The following CNTN4 variants were observed in gnomAD, a reference collection of about 807,000 sequenced individuals.
The protein encoded by CNTN4 is contactin 4.
A neutral mutation model predicts 122.5 loss-of-function variants in CNTN4; 77 were observed. That is an observed-to-expected ratio of 0.63 (90% CI 0.52 to 0.76). CNTN4 has a LOEUF of 0.76. CNTN4 is among the 30% of genes least tolerant of loss of function. CNTN4 has a pLI of 0.00. For missense variants in CNTN4, 1,256 were observed against 1,259.1 expected, an observed-to-expected ratio of 1.00 and a Z score of 0.04; for synonymous variants, 512 against 447.0, an observed-to-expected ratio of 1.15 and a Z score of -1.83.
At chr3:2,125,492 CT>C (rs1164635294) in intron 2 of CNTN4, among the ~76,000 whole-genome samples, 2 of 151,836 alleles carry the variant, frequency 1.3e-5, no homozygotes, top group African/African-American at 4.8e-5. Context: ...AGATCTAAAT[CT>C]TTGACATCTT....
intron 4 of CNTN4, among the ~76,000 whole-genome samples, chr3:2,720,139 A>G (rs557429665): frequency 4.6e-5 from 7 of 152,278 alleles, no homozygotes; most frequent in African/African-American, 1.4e-4. Context: ...AAGCAGAAGG[A>G]AAGGCCATTT....
At chr3:2,320,697 C>T (rs1005230106) in intron 2 of CNTN4, among the ~76,000 whole-genome samples, 10 of 152,084 alleles carry the variant, frequency 6.6e-5, no homozygotes, top group Non-Finnish European at 1.3e-4. Flanking sequence ...TATCCCGAAG[C>T]AAATATCAAT....
At chr3:2,900,597 T>A (rs1469766228) in intron 10 of CNTN4, 88 bp from the exon 11 acceptor site, 1 of 1,400,276 alleles carries the variant, frequency 7.1e-7, no homozygotes. Flanking sequence ...TTATTATAAG[T>A]GTACTTTTGC....
At chr3:2,510,248 T>C (rs2076845265) in intron 3 of CNTN4, among the ~76,000 whole-genome samples, 2 of 152,216 alleles carry the variant, frequency 1.3e-5, no homozygotes, top group African/African-American at 4.8e-5. Context: ...GTCTATTTTC[T>C]AGATCTTAGG....
At chr3:2,436,160 C>G (rs751108797) in intron 3 of CNTN4, among the ~76,000 whole-genome samples, 1 of 152,130 alleles carries the variant, frequency 6.6e-6, no homozygotes, top group Non-Finnish European at 1.5e-5. Flanking sequence ...AACAATTATT[C>G]ATTCAACCAA....
chr3:2,334,095 T>C (rs1004204659), intron 2 of CNTN4, among the ~76,000 whole-genome samples: 1 of 152,208 alleles, frequency 6.6e-6, no homozygotes, highest in African/African-American at 2.4e-5. Flanking sequence ...ATTCAAATAA[T>C]GTTAATAATA....
At chr3:2,794,257 T>C (rs2092100727) in intron 6 of CNTN4, among the ~76,000 whole-genome samples, 1 of 152,180 alleles carries the variant, frequency 6.6e-6, no homozygotes, top group Non-Finnish European at 1.5e-5. Context: ...GAAAAAGACT[T>C]ACAGGCAGGA....
rs141559793 is a variant in CNTN4, at chr3:2,122,579, CAT to C, written c.-145+21941_-145+21942del. 5.4e-4 allele frequency among the ~76,000 whole-genome samples: 82 copies of C among 152,242 alleles called. No homozygotes were observed. In the East Asian group the frequency reaches 0.01, roughly 19 times the overall value. ...CTATGATAAACAATATCTTTGTAAA[CAT>C]GTGTGATTATATCTGTAGGATAAAT... On this transcript the variant is annotated intron_variant, in intron 2 of 24. Coordinates refer to ENST00000418658, the MANE Select transcript of CNTN4 (RefSeq NM_175607.3).
Position 2,538,662 on chromosome 3 carries a change from A to G in CNTN4, c.-88-32754A>G, listed in dbSNP as rs532115496. On this transcript the variant is annotated intron_variant, in intron 3 of 24. Coordinates refer to ENST00000418658, the MANE Select transcript of CNTN4 (RefSeq NM_175607.3). ...GTACTTGTTAACTTTCATAACTGCT[A>G]TTTTATATACTTATATTTCATGTTA... is the stretch of plus-strand genomic sequence containing the variant. Among the ~76,000 whole-genome samples, 304 of 152,080 alleles carry G rather than the reference A, an allele frequency of 2.0e-3. 4 individuals are homozygous for G. The highest frequency in any genetic ancestry group is 7.1e-3 in the African/African-American group (294 of 41,542).
intron 3 of CNTN4, among the ~76,000 whole-genome samples, chr3:2,398,499 A>G (rs1018005701): frequency 6.6e-6 from 1 of 152,122 alleles, no homozygotes; most frequent in Non-Finnish European, 1.5e-5. Flanking sequence ...TACTTTCTGT[A>G]TGAGAGATTG....
chr3:2,318,065 C>T lies in CNTN4; in HGVS notation c.-144-21113C>T, dbSNP rs73807716. 4.3e-3 allele frequency among the ~76,000 whole-genome samples: 649 copies of T among 152,074 alleles called. 3 individuals carry two copies. Among genetic ancestry groups the T allele is most frequent in the African/African-American group, 0.015 (611 of 41,488 alleles). Reference sequence around the variant, plus strand: ...ATATGTTAAAACGAAGAGTTTAAGACGCCGAGCTCTGTGGTTCTCGCCTGT... The same window carrying T: ...ATATGTTAAAACGAAGAGTTTAAGATGCCGAGCTCTGTGGTTCTCGCCTGT... On this transcript the variant is annotated intron_variant, in intron 2 of 24. Transcript: ENST00000418658.
chr3:2,987,604 G>A (rs895044959), intron 13 of CNTN4, among the ~76,000 whole-genome samples: 1 of 152,214 alleles, frequency 6.6e-6, no homozygotes, highest in African/African-American at 2.4e-5. Flanking sequence ...GCCAAGCTGT[G>A]TGTCTTATTC....
intron 3 of CNTN4, among the ~76,000 whole-genome samples, chr3:2,558,289 C>G (rs2078805190): frequency 6.6e-6 from 1 of 152,142 alleles, no homozygotes; most frequent in Non-Finnish European, 1.5e-5. Context: ...TAGGGGTTTA[C>G]CAGTTTTTCC....
chr3:2,309,490 C>T (rs1021744874), intron 2 of CNTN4, among the ~76,000 whole-genome samples: 2 of 152,026 alleles, frequency 1.3e-5, no homozygotes, highest in African/African-American at 4.8e-5. Context: ...GCCTGTGTTT[C>T]CTACTTGTTT....
chr3:2,372,862 A>G (rs2045682464), intron 3 of CNTN4, among the ~76,000 whole-genome samples: 1 of 152,122 alleles, frequency 6.6e-6, no homozygotes, highest in South Asian at 2.1e-4. Context: ...AGCCTGGCCA[A>G]CATGGTGAAA....
At chr3:2,698,827 G>A (rs2086192668) in intron 4 of CNTN4, among the ~76,000 whole-genome samples, 1 of 152,194 alleles carries the variant, frequency 6.6e-6, no homozygotes, top group East Asian at 1.9e-4. Context: ...AGATCAGCCT[G>A]GCCAACTTCG....
intron 3 of CNTN4, among the ~76,000 whole-genome samples, chr3:2,541,232 G>A (rs909043745): frequency 1.3e-5 from 2 of 152,082 alleles, no homozygotes; most frequent in African/African-American, 2.4e-5. Flanking sequence ...TTTGGCTAAT[G>A]GTTATTGGAA....
chr3:2,403,145 C>T (rs1389801315), intron 3 of CNTN4, among the ~76,000 whole-genome samples: 1 of 152,016 alleles, frequency 6.6e-6, no homozygotes, highest in African/African-American at 2.4e-5. Context: ...TAAACCTTCT[C>T]TCTATATACT....
intron 3 of CNTN4, among the ~76,000 whole-genome samples, chr3:2,389,592 TCTTTC>T (rs1280480199): frequency 1.3e-5 from 2 of 152,240 alleles, no homozygotes; most frequent in Admixed American, 1.3e-4. Context: ...TTCTTCCTTT[TCTTTC>T]CTTTTACTAT....
Sources: gnomAD v4.1 joint callset for allele counts (sites outside exome capture counted in the v4.1 genomes callset) on GRCh38, gnomAD v4.1.1 for gene constraint, MANE v1.5 for transcripts, NCBI Gene and HGNC (gene_info 2026-07-23, HGNC 2026-07-21) for gene names.